Variants in TNIK observed in about 807,000 individuals in gnomAD.
TNIK encodes the protein TRAF2 and NCK-interacting protein kinase.
A neutral mutation model predicts 191.3 loss-of-function variants in TNIK; 49 were observed. That is an observed-to-expected ratio of 0.26 (90% confidence interval 0.20 to 0.32). TNIK has a LOEUF of 0.32. Ranked by LOEUF, TNIK falls within the 10% of genes least tolerant of loss-of-function variation. TNIK has a pLI of 1.00. For missense variants in TNIK, 1,155 were observed against 1,702.3 expected (o/e 0.68, Z 5.66); for synonymous variants, 594 against 600.9 (o/e 0.99, Z 0.17).
intron 2 of TNIK, among the ~76,000 whole-genome samples, chr3:171,360,512 C>T (rs1410321465): frequency 1.3e-5 from 2 of 152,146 alleles, no homozygotes; most frequent in South Asian, 2.1e-4. Flanking sequence ...CAGACCTCTT[C>T]GTTATACATG....
intron 2 of TNIK, among the ~76,000 whole-genome samples, chr3:171,327,393 C>T (rs951308407): frequency 1.1e-4 from 16 of 152,208 alleles, no homozygotes; most frequent in African/African-American, 1.9e-4. Context: ...CTACCTTTCC[C>T]GGTCCCCTCA....
chr3:171,296,163 C>T (rs923435161), intron 2 of TNIK, among the ~76,000 whole-genome samples: 1 of 152,130 alleles, frequency 6.6e-6, no homozygotes. Context: ...GACTTCCAGC[C>T]TTCTCTCAGC....
At chr3:171,137,284 G>A (rs1240957960) in intron 15 of TNIK, among the ~76,000 whole-genome samples, 1 of 151,074 alleles carries the variant, frequency 6.6e-6, no homozygotes, top group Non-Finnish European at 1.5e-5. Flanking sequence ...TAGTAATATT[G>A]CATTCTAGAT....
intron 14 of TNIK, among the ~76,000 whole-genome samples, 169 bp downstream of exon 14, chr3:171,139,301 A>G (rs752458543): frequency 1.3e-5 from 2 of 151,924 alleles, no homozygotes; most frequent in African/African-American, 2.4e-5. Context: ...TTAAGTTTCT[A>G]TGAGGTTTTT....
chr3:171,221,532 A>C (rs970971513), intron 3 of TNIK, among the ~76,000 whole-genome samples: 1 of 152,178 alleles, frequency 6.6e-6, no homozygotes, highest in African/African-American at 2.4e-5. Context: ...GAAGTTAATC[A>C]GAATTGTGAC....
intron 2 of TNIK, among the ~76,000 whole-genome samples, chr3:171,361,781 T>G (rs892957971): frequency 6.6e-6 from 1 of 152,192 alleles, no homozygotes; most frequent in Non-Finnish European, 1.5e-5. Context: ...AAACCTTACA[T>G]GTACATAGGA....
At chr3:171,435,872 A>G (rs1725970555) in intron 1 of TNIK, among the ~76,000 whole-genome samples, 1 of 152,188 alleles carries the variant, frequency 6.6e-6, no homozygotes, top group Non-Finnish European at 1.5e-5. Flanking sequence ...TTGAAGAGGG[A>G]GAAATGAATC....
chr3:171,417,893 G>C lies in TNIK; in HGVS notation c.57+42114C>G, dbSNP rs551708718. On this transcript the variant is annotated intron_variant, in intron 1 of 32. Transcript: ENST00000436636. ...AACTCCAGATAGACTTCAGCCAGTG[G>C]GAAACAATATACGAAGCATCTTTAT... Among the ~76,000 whole-genome samples the C allele has an allele frequency of 7.8e-4, 119 of 152,248 alleles. 1 individual carries two copies. The highest frequency in any genetic ancestry group is 2.7e-3 in the African/African-American group (114 of 41,536).
At chr3:171,105,303 G>T (rs1438881673) in intron 21 of TNIK, among the ~76,000 whole-genome samples, 1 of 152,164 alleles carries the variant, frequency 6.6e-6, no homozygotes, top group Non-Finnish European at 1.5e-5. Flanking sequence ...ATTGTAGGGA[G>T]TTCTCTGTGC....
intron 12 of TNIK, among the ~76,000 whole-genome samples, chr3:171,145,090 T>C (rs117652497): frequency 6.7e-3 from 83 of 12,388 alleles, no homozygotes; most frequent in Middle Eastern, 0.14. Context: ...ATCTCTCTCT[T>C]TTTTTTTTTT....
intron 2 of TNIK, among the ~76,000 whole-genome samples, chr3:171,234,561 A>G (rs1744040071): frequency 6.6e-6 from 1 of 152,200 alleles, no homozygotes; most frequent in Non-Finnish European, 1.5e-5. Flanking sequence ...GGGTGGGCCA[A>G]CTGAAAGCTG....
intron 3 of TNIK, among the ~76,000 whole-genome samples, chr3:171,213,430 A>C (rs1242887294): frequency 6.6e-6 from 1 of 152,130 alleles, no homozygotes; most frequent in Non-Finnish European, 1.5e-5. Flanking sequence ...TCTTAGCATC[A>C]GTCATTCTTA....
At chr3:171,380,104 C>T (rs1159559763) in intron 1 of TNIK, among the ~76,000 whole-genome samples, 2 of 152,150 alleles carry the variant, frequency 1.3e-5, no homozygotes, top group African/African-American at 2.4e-5. Flanking sequence ...CCCCCAACCC[C>T]AGCCCCTGCT....
intron 23 of TNIK, among the ~76,000 whole-genome samples, chr3:171,088,569 A>G (rs369571946): frequency 6.6e-6 from 1 of 152,228 alleles, no homozygotes; most frequent in East Asian, 1.9e-4. Flanking sequence ...TCAGTGCAGT[A>G]GAAAAAAATG....
chr3:171,175,858 G>A (rs995626433), intron 8 of TNIK, among the ~76,000 whole-genome samples: 14 of 152,220 alleles, frequency 9.2e-5, no homozygotes, highest in Admixed American at 5.9e-4. Context: ...CAGATATCCC[G>A]AATGGCTTTT....
chr3:171,349,459 A>C (rs1007728033), intron 2 of TNIK, among the ~76,000 whole-genome samples: 5 of 152,188 alleles, frequency 3.3e-5, no homozygotes, highest in African/African-American at 1.2e-4. Context: ...GAGATCAGCC[A>C]CTGCAGTCCT....
chr3:171,277,382 T>C (rs138745620), intron 2 of TNIK, among the ~76,000 whole-genome samples: 1 of 152,198 alleles, frequency 6.6e-6, no homozygotes, highest in African/African-American at 2.4e-5. Flanking sequence ...TCATTGAGAT[T>C]TGAAGATAAC....
chr3:171,382,871 G>A (rs73879549), intron 1 of TNIK, among the ~76,000 whole-genome samples: 5,193 of 152,194 alleles, frequency 0.034, 276 homozygotes, highest in African/African-American at 0.12. Flanking sequence ...CTGACTGAAA[G>A]AATAGAAAAG....
intron 7 of TNIK, among the ~76,000 whole-genome samples, chr3:171,186,000 G>A (rs142093569): frequency 1.7e-3 from 266 of 152,312 alleles, no homozygotes; most frequent in Non-Finnish European, 2.9e-3. Flanking sequence ...ACACCACTGG[G>A]CCAAGTGGAC....
Sources: allele counts gnomAD v4.1 joint callset (sites outside exome capture counted in the v4.1 genomes callset), GRCh38; gene constraint gnomAD v4.1.1; transcripts MANE v1.5; gene names NCBI Gene and HGNC (gene_info 2026-07-23, HGNC 2026-07-21).